Variants in LRRTM4 observed in about 807,000 individuals in gnomAD.
LRRTM4 encodes the protein leucine rich repeat transmembrane neuronal 4, also known as leucine-rich repeat transmembrane neuronal protein 4.
A neutral mutation model predicts 47.6 loss-of-function variants in LRRTM4; 25 were observed. That is an observed-to-expected ratio of 0.53 (90% CI 0.38 to 0.73). The LOEUF is 0.73. LRRTM4 is among the 30% of genes least tolerant of loss of function. The probability of loss-of-function intolerance (pLI) is 0.00; values close to 1 mark genes in which losing one functional copy is unlikely to be tolerated. For synonymous variants in LRRTM4, 311 were observed against 269.5 expected (o/e 1.15, Z -1.51); for missense variants, 638 against 713.4 (o/e 0.89, Z 1.20).
At chr2:76,808,101 C>T (rs1354922589) in intron 3 of LRRTM4, among the ~76,000 whole-genome samples, 1 of 151,808 alleles carries the variant, frequency 6.6e-6, no homozygotes, top group Admixed American at 6.6e-5. Context: ...CTCACTGCAA[C>T]CTCCACCTCC....
intron 3 of LRRTM4, among the ~76,000 whole-genome samples, chr2:77,468,318 T>G (rs1677057513): frequency 1.3e-5 from 2 of 152,170 alleles, no homozygotes; most frequent in Non-Finnish European, 2.9e-5. Flanking sequence ...CAGTACTATG[T>G]TATGTTTGGG....
At chr2:77,171,826 T>C (rs1205301839) in intron 3 of LRRTM4, among the ~76,000 whole-genome samples, 1 of 152,048 alleles carries the variant, frequency 6.6e-6, no homozygotes, top group Non-Finnish European at 1.5e-5. Context: ...TTTATATAAT[T>C]AGAATTATGT....
intron 3 of LRRTM4, among the ~76,000 whole-genome samples, chr2:77,466,457 T>C (rs76277915): frequency 0.05 from 7,668 of 152,306 alleles, 283 homozygotes; most frequent in South Asian, 0.15. Flanking sequence ...TGAAGGTAGC[T>C]GATGCAGTTC....
At chr2:77,258,503 A>T (rs1397331790) in intron 3 of LRRTM4, among the ~76,000 whole-genome samples, 7 of 152,230 alleles carry the variant, frequency 4.6e-5, no homozygotes, top group East Asian at 3.9e-4. Flanking sequence ...TGTATAATCC[A>T]TGAGGAACCC....
intron 3 of LRRTM4, among the ~76,000 whole-genome samples, chr2:77,057,847 G>T (rs1053818358): frequency 3.3e-5 from 5 of 152,130 alleles, no homozygotes; most frequent in Non-Finnish European, 5.9e-5. Context: ...TAACTTTCAT[G>T]AAGAATAAGA....
At chr2:77,397,737 G>T (rs2103828147) in intron 3 of LRRTM4, among the ~76,000 whole-genome samples, 1 of 151,900 alleles carries the variant, frequency 6.6e-6, no homozygotes, top group South Asian at 2.1e-4. Context: ...CCACGTGCTG[G>T]ACTGAATGTA....
rs563365056 is a variant in LRRTM4, at chr2:76,762,714, C to T, written c.1552-13798G>A. Among the ~76,000 whole-genome samples, 183 of 152,216 alleles carry T rather than the reference C, an allele frequency of 1.2e-3. 1 individual carries two copies. Among genetic ancestry groups the T allele is most frequent in the Non-Finnish European group, 1.7e-3 (116 of 68,016 alleles). On this transcript the variant is annotated intron_variant, in intron 3 of 3. Coordinates refer to ENST00000409884, the MANE Select transcript of LRRTM4 (RefSeq NM_001134745.3). The stretch of plus-strand genomic sequence containing the variant: ...GTGACTCATGCCTGAATTGCTAGCA[C>T]TTTGGAAGGCCTAGGTGGGAGGATT...
chr2:77,429,721 G>A (rs150778709), intron 3 of LRRTM4, among the ~76,000 whole-genome samples: 9 of 152,122 alleles, frequency 5.9e-5, no homozygotes, highest in Admixed American at 2.6e-4. Flanking sequence ...GAAGGGGTGG[G>A]GGAAATATTG....
intron 3 of LRRTM4, among the ~76,000 whole-genome samples, chr2:77,401,958 G>A (rs565670469): frequency 1.3e-5 from 2 of 152,010 alleles, no homozygotes; most frequent in African/African-American, 2.4e-5. Flanking sequence ...ATTTTAGAAC[G>A]CTTAGGCAAT....
intron 3 of LRRTM4, among the ~76,000 whole-genome samples, chr2:76,798,060 G>T (rs550874587): frequency 2.7e-5 from 4 of 150,314 alleles, no homozygotes; most frequent in African/African-American, 9.9e-5. Context: ...AAGTCAACAA[G>T]GATACCCAGG....
At chr2:76,775,751 T>C (rs895671515) in intron 3 of LRRTM4, among the ~76,000 whole-genome samples, 4 of 152,060 alleles carry the variant, frequency 2.6e-5, no homozygotes, top group Non-Finnish European at 4.4e-5. Flanking sequence ...CTCTCTCTTT[T>C]TTTTAAATTT....
chr2:76,961,855 T>C (rs1344867926), intron 3 of LRRTM4, among the ~76,000 whole-genome samples: 1 of 151,374 alleles, frequency 6.6e-6, no homozygotes, highest in Non-Finnish European at 1.5e-5. Flanking sequence ...TTGTCAATAT[T>C]TAAAGCATTC....
chr2:77,248,133 G>T (rs1257362776), intron 3 of LRRTM4, among the ~76,000 whole-genome samples: 2 of 150,698 alleles, frequency 1.3e-5, no homozygotes, highest in Non-Finnish European at 3.0e-5. Context: ...CACATAAACT[G>T]ATTTCAGCTG....
chr2:77,212,740 G>A (rs554534147), intron 3 of LRRTM4, among the ~76,000 whole-genome samples: 5 of 151,806 alleles, frequency 3.3e-5, no homozygotes, highest in East Asian at 1.9e-4. Flanking sequence ...TGTGTCTGAC[G>A]CAAAACCTCT....
chr2:77,501,162 A>G (rs1678558127), intron 3 of LRRTM4, among the ~76,000 whole-genome samples: 1 of 150,534 alleles, frequency 6.6e-6, no homozygotes, highest in Admixed American at 6.7e-5. Flanking sequence ...TTATAACTAA[A>G]TGTAGAAACT....
At chr2:77,497,529 C>T (rs556193427) in intron 3 of LRRTM4, among the ~76,000 whole-genome samples, 1 of 151,310 alleles carries the variant, frequency 6.6e-6, no homozygotes, top group Non-Finnish European at 1.5e-5. Flanking sequence ...TTATGCCACA[C>T]TTTTCTAGTT....
chr2:76,907,520 C>CAA (rs980992663), intron 3 of LRRTM4, among the ~76,000 whole-genome samples: 1 of 146,192 alleles, frequency 6.8e-6, no homozygotes, highest in Non-Finnish European at 1.5e-5. Flanking sequence ...AATAGAGACA[C>CAA]AAAAAACCCT....
At chr2:77,268,834 A>G (rs1487258928) in intron 3 of LRRTM4, among the ~76,000 whole-genome samples, 2 of 152,150 alleles carry the variant, frequency 1.3e-5, no homozygotes, top group Non-Finnish European at 2.9e-5. Flanking sequence ...AGTGGTTTTC[A>G]AAGTGTGGTT....
chr2:77,233,970 G>A (rs532360193), intron 3 of LRRTM4, among the ~76,000 whole-genome samples: 3 of 152,070 alleles, frequency 2.0e-5, no homozygotes, highest in African/African-American at 7.2e-5. Flanking sequence ...GCAAATTTTT[G>A]CATTTTTGTA....
Sources: allele counts gnomAD v4.1 joint callset (sites outside exome capture counted in the v4.1 genomes callset), GRCh38; gene constraint gnomAD v4.1.1; transcripts MANE v1.5; gene names NCBI Gene and HGNC (gene_info 2026-07-23, HGNC 2026-07-21).